Variants in CDH7 observed in about 807,000 individuals in gnomAD.
The protein encoded by CDH7 is cadherin 7.
A neutral mutation model predicts 71.8 loss-of-function variants in CDH7; 25 were observed. The observed-to-expected ratio is 0.35, with a 90% CI of 0.25 to 0.49. The LOEUF (loss-of-function observed/expected upper bound fraction) is 0.49. Ranked by LOEUF, CDH7 falls within the 20% of genes least tolerant of loss-of-function variation. The pLI is 0.99. For missense variants in CDH7, 862 were observed against 974.6 expected (o/e 0.88, Z 1.54); for synonymous variants, 381 against 363.8 (o/e 1.05, Z -0.54).
intron 1 of CDH7, among the ~76,000 whole-genome samples, chr18:65,756,828 A>G (rs34318553): frequency 0.34 from 51,903 of 152,124 alleles, 9,079 homozygotes; most frequent in Middle Eastern, 0.47. Flanking sequence ...TAGAAAGCAT[A>G]CAGCACTGTG....
At chr18:65,812,648 G>A (rs1175711708) in intron 3 of CDH7, among the ~76,000 whole-genome samples, 1 of 152,126 alleles carries the variant, frequency 6.6e-6, no homozygotes, top group East Asian at 1.9e-4. Flanking sequence ...ATTGCCAGAA[G>A]AACATAGACA....
intron 2 of CDH7, among the ~76,000 whole-genome samples, chr18:65,788,258 A>G (rs1339334552): frequency 6.6e-6 from 1 of 152,204 alleles, no homozygotes; most frequent in Admixed American, 6.5e-5. Flanking sequence ...ACTAAAATTC[A>G]TAGCAAATTT....
At chr18:65,806,038 A>G (rs1277910561) in intron 2 of CDH7, among the ~76,000 whole-genome samples, 3 of 152,216 alleles carry the variant, frequency 2.0e-5, no homozygotes, top group Admixed American at 6.5e-5. Context: ...AGGGTGCTCT[A>G]TCAAGCAGGG....
chr18:65,758,564 A>G (rs1382951579), intron 1 of CDH7, among the ~76,000 whole-genome samples: 4 of 152,240 alleles, frequency 2.6e-5, no homozygotes, highest in African/African-American at 9.6e-5. Context: ...AGAGACACTT[A>G]TCTCAAAAAA....
Position 65,880,695 on chromosome 18 carries a change from T to C in CDH7, c.2159T>C (p.Val720Ala). 6.2e-7 allele frequency: 1 copy of C among 1,614,146 alleles called. No individual in the cohort carries two copies. Among genetic ancestry groups the C allele is most frequent in the Non-Finnish European group, 8.5e-7 (1 of 1,180,004 alleles). Residue 720 changes from valine to alanine, a missense_variant, in exon 12 of 12, where the codon GTT (valine) becomes GCT (alanine). Transcript: ENST00000397968. ...TGGGAAAGATTAAAAGAAGCCGATG[T>C]TGATCCTGGTGCTCCTCCTTATGAC... ...FIWERLKEAD[V>A]DPGAPPYDSL...
intron 4 of CDH7, among the ~76,000 whole-genome samples, chr18:65,815,230 T>C (rs1052653542): frequency 6.6e-6 from 1 of 152,170 alleles, no homozygotes; most frequent in African/African-American, 2.4e-5. Context: ...ACATGGGACA[T>C]TGTTATCTTG....
At chr18:65,820,361 G>T (rs1440634989) in intron 4 of CDH7, among the ~76,000 whole-genome samples, 1 of 151,208 alleles carries the variant, frequency 6.6e-6, no homozygotes, top group African/African-American at 2.4e-5. Flanking sequence ...GTATCCAATT[G>T]GTCAAGACTA....
rs1910269150 is a variant in CDH7 at position 65,781,964 on chromosome 18, C to CTCTCTT, written c.210+18917_210+18918insTTCTCT. Among the ~76,000 whole-genome samples the CTCTCTT allele has an allele frequency of 8.1e-5, 4 of 49,598 alleles. 1 individual carries two copies. In the African/African-American group the frequency reaches 8.6e-4, roughly 11 times the overall value. 32.5% of individuals were successfully genotyped at this position (49,598 alleles called of 152,430 possible). ...TCTCTCTTTCTCTCTTTCTCTCTTTCTCTCTCTCTCTCTCTCTCTCTCTTT... is the reference window on the plus strand; with the variant it reads ...TCTCTCTTTCTCTCTTTCTCTCTTTCTCTCTTTCTCTCTCTCTCTCTCTCTCTCTTT... On this transcript the variant is annotated intron_variant, in intron 2 of 11. Coordinates refer to ENST00000397968, the MANE Select transcript of CDH7 (RefSeq NM_004361.5).
chr18:65,841,814 T>G (rs552173675), intron 6 of CDH7, among the ~76,000 whole-genome samples: 26 of 152,272 alleles, frequency 1.7e-4, no homozygotes, highest in African/African-American at 5.1e-4. Context: ...ACACATATTT[T>G]AGAAGGGTCT....
intron 1 of CDH7, among the ~76,000 whole-genome samples, chr18:65,752,120 TTTA>T (rs1411302667): frequency 6.6e-6 from 1 of 152,254 alleles, no homozygotes; most frequent in Non-Finnish European, 1.5e-5. Context: ...TATTAGATCG[TTTA>T]TTAAGTGAGA....
intron 6 of CDH7, among the ~76,000 whole-genome samples, chr18:65,837,864 C>T (rs1415496642): frequency 5.9e-5 from 9 of 151,576 alleles, no homozygotes; most frequent in Admixed American, 5.9e-4. Context: ...TAAACCTCAT[C>T]CAAGGTTGTA....
At position 65,883,764 on chromosome 18, in the gene CDH7, T is replaced by G. The variant is rs1158189385; in HGVS notation, c.*2870T>G. ...AATTATTTTATAAAATGAAATGTCATAATTGTAAATATAGTATGAATTTAT... is the reference window on the plus strand; with the variant it reads ...AATTATTTTATAAAATGAAATGTCAGAATTGTAAATATAGTATGAATTTAT... On this transcript the variant is annotated 3_prime_UTR_variant, in exon 12 of 12. Transcript: ENST00000397968. 6.6e-6 allele frequency: 1 copy of G among 152,138 alleles called. No homozygotes were observed. Among genetic ancestry groups the G allele is most frequent in the East Asian group, 1.9e-4 (1 of 5,192 alleles). 9.4% of individuals were successfully genotyped at this position (152,138 alleles called of 1,614,324 possible).
chr18:65,817,682 G>A (rs1275102530), intron 4 of CDH7, among the ~76,000 whole-genome samples: 1 of 152,128 alleles, frequency 6.6e-6, no homozygotes, highest in Admixed American at 6.5e-5. Context: ...AGTTTTCTCA[G>A]CTAATCAGTA....
chr18:65,874,459 C>T (rs1005152535), intron 11 of CDH7, among the ~76,000 whole-genome samples: 17 of 151,880 alleles, frequency 1.1e-4, no homozygotes, highest in African/African-American at 4.1e-4. Flanking sequence ...TAGGTGGGAG[C>T]TAAACAATGC....
chr18:65,835,859 C>T (rs1004012152), intron 6 of CDH7, among the ~76,000 whole-genome samples: 1 of 152,156 alleles, frequency 6.6e-6, no homozygotes, highest in Non-Finnish European at 1.5e-5. Context: ...GAACGTTTTA[C>T]CTTATGTGGT....
At position 65,794,342 on chromosome 18, in the gene CDH7, A is replaced by G. The variant is rs949496721; in HGVS notation, c.211-15362A>G. 3.3e-5 allele frequency among the ~76,000 whole-genome samples: 5 copies of G among 152,276 alleles called. No individual in the cohort carries two copies. In the South Asian group the frequency reaches 1.0e-3, roughly 32 times the overall value. ...AGCGATGTGTTTTAATAAGATTCAC[A>G]TGACAATGATGTAATACTATGGATT... On this transcript the variant is annotated intron_variant, in intron 2 of 11. Transcript: ENST00000397968.
intron 11 of CDH7, chr18:65,866,385 TAAAA>T (rs56247767): frequency 1.4e-5 from 1 of 73,708 alleles, no homozygotes. Flanking sequence ...TTTAGACTCT[TAAAA>T]AAAAAAAAAG....
intron 11 of CDH7, among the ~76,000 whole-genome samples, chr18:65,876,191 GC>G (rs554060878): frequency 1.0e-3 from 153 of 152,168 alleles, no homozygotes; most frequent in Middle Eastern, 3.4e-3. Context: ...CTCTTGATAT[GC>G]TTTTGCCAAT....
At chr18:65,861,775 C>G (rs1418205334) in intron 10 of CDH7, among the ~76,000 whole-genome samples, 2 of 151,978 alleles carry the variant, frequency 1.3e-5, no homozygotes, top group Non-Finnish European at 2.9e-5. Context: ...TTGAATAAAT[C>G]TTTTTGACAG....
Sources: allele counts gnomAD v4.1 joint callset (sites outside exome capture counted in the v4.1 genomes callset), GRCh38; gene constraint gnomAD v4.1.1; transcripts MANE v1.5; gene names NCBI Gene and HGNC (gene_info 2026-07-23, HGNC 2026-07-21).